The following ALG9 variants were observed in gnomAD, a reference collection of about 807,000 sequenced individuals.
ALG9 encodes ALG9 alpha-1,2-mannosyltransferase, also known as alpha-1,2-mannosyltransferase ALG9.
Under a neutral mutation model 81.8 loss-of-function variants are expected in ALG9, and 55 were observed. That is an observed-to-expected ratio of 0.67 (90% CI 0.54 to 0.84). The LOEUF (loss-of-function observed/expected upper bound fraction) is 0.84. ALG9 is among the 40% of genes least tolerant of loss of function. ALG9 has a pLI of 0.00. For synonymous variants in ALG9, 278 were observed against 274.3 expected, an observed-to-expected ratio of 1.01 and a Z score of -0.13; for missense variants, 629 against 745.0, an observed-to-expected ratio of 0.84 and a Z score of 1.81.
chr11:111,821,658 TAG>T (rs1242695106), intron 13 of ALG9, among the ~76,000 whole-genome samples: 3 of 151,806 alleles, frequency 2.0e-5, no homozygotes, highest in Non-Finnish European at 2.9e-5. Flanking sequence ...TTTTTTGAGA[TAG>T]AGTCTCGCTC....
At chr11:111,836,018 G>A (rs1955184469) in intron 13 of ALG9, 147 bp downstream of exon 13, 1 of 1,008,194 alleles carries the variant, frequency 9.9e-7, no homozygotes. Flanking sequence ...CAAAGTGCTG[G>A]GATTACAGGT....
At position 111,870,256 on chromosome 11, in the gene ALG9, A is replaced by G. The variant is rs782243361; in HGVS notation, c.246T>C (p.Asp82=). The G allele has an allele frequency of 4.5e-5, 72 of 1,611,064 alleles. No homozygotes were observed. In the East Asian group the frequency reaches 1.6e-3, roughly 35 times the overall value. ...CTGGCTCCCAGTAGTTGAATGTTTC[A>G]TCACAGTCAGAGATGTTGCTCAGGA... ...AALLSNISDC[D]ETFNYWEPTH... Residue 82 remains aspartate (D), a synonymous_variant, in exon 2 of 15, where the codon GAT becomes GAC. Transcript: ENST00000616540.
downstream of ALG9, among the ~76,000 whole-genome samples, chr11:111,780,618 A>G (rs1308935106): frequency 6.6e-6 from 1 of 151,954 alleles, no homozygotes; most frequent in African/African-American, 2.4e-5. Flanking sequence ...GCTGGTCTCG[A>G]ACTCTTGACC....
rs782560403 is a variant in ALG9 at position 111,860,590 on chromosome 11, T to C, written c.522A>G (p.Leu174=). 9 of 1,614,098 alleles carry C rather than the reference T, an allele frequency of 5.6e-6. No individual in the cohort carries two copies. Among genetic ancestry groups the C allele is most frequent in the Non-Finnish European group, 7.6e-6 (9 of 1,179,994 alleles). ...KFGLHVSRMM[L]AFLVLSTGMF... ...TGCCAGTGCTGAGAACCAAGAAGGC[T>C]AGCATCATTCGACTCACGTGCAACC... Residue 174 remains leucine (L), a synonymous_variant, in exon 5 of 15, where the codon CTA becomes CTG. Coordinates refer to ENST00000616540, the MANE Select transcript of ALG9 (RefSeq NM_024740.2).
Position 111,840,754 on chromosome 11 carries a change from A to G in ALG9, c.1074T>C (p.Phe358=). ...TGTGAGGCTGGATGAAGAAAATTAT[A>G]AACCAAATATACATTGGAGCCAAGG... is the stretch of plus-strand genomic sequence containing the variant. ...WLTLAPMYIW[F]IIFFIQPHKE... is the part of the protein sequence containing the mutation. Residue 358 remains phenylalanine, a synonymous_variant, in exon 10 of 15, where the codon TTT becomes TTC. Transcript: ENST00000616540. 9.9e-6 allele frequency: 16 copies of G among 1,614,170 alleles called. No homozygotes were observed. The highest frequency in any genetic ancestry group is 1.3e-5 in the Non-Finnish European group (15 of 1,180,008).
Position 111,871,502 on chromosome 11 carries a change from G to T in ALG9, c.-20C>A. On this transcript the variant is annotated 5_prime_UTR_variant, in exon 1 of 15. Coordinates refer to ENST00000616540, the MANE Select transcript of ALG9 (RefSeq NM_024740.2). ...AGCCATGGCAAGCCTGGGGAAAAAA[G>T]AATTCGGCACCCTATGAAGTCGGTG... The T allele has an allele frequency of 6.5e-7, 1 of 1,536,214 alleles. No homozygotes were observed. Among genetic ancestry groups the T allele is most frequent in the Non-Finnish European group, 8.7e-7 (1 of 1,146,562 alleles).
chr11:111,816,807 C>T (rs967291857), intron 13 of ALG9, among the ~76,000 whole-genome samples: 2 of 152,166 alleles, frequency 1.3e-5, no homozygotes, highest in African/African-American at 4.8e-5. Flanking sequence ...TGATTCCTCC[C>T]GCCTTGGCCT....
downstream of ALG9, among the ~76,000 whole-genome samples, chr11:111,777,535 A>G (rs1413105836): frequency 3.9e-5 from 6 of 152,222 alleles, no homozygotes; most frequent in Non-Finnish European, 2.9e-5. Context: ...GCTGTCAGAG[A>G]CAGTGATACT....
chr11:111,851,477 CAAAAAA>C (rs11343980), intron 8 of ALG9, among the ~76,000 whole-genome samples: 2 of 105,076 alleles, frequency 1.9e-5, no homozygotes, highest in Admixed American at 1.9e-4. Flanking sequence ...AACTCCATCT[CAAAAAA>C]AAAAAAAAAA....
chr11:111,786,208 C>A lies in ALG9; in HGVS notation c.*189G>T. On this transcript the variant is annotated 3_prime_UTR_variant, in exon 15 of 15. Transcript: ENST00000616540. ...AAAGTTTACATGCAGAACAGAGACA[C>A]ACACAGGGAGCAAATGTGACTTTGA... The A allele has an allele frequency of 1.1e-6, 1 of 877,824 alleles. No individual in the cohort carries two copies. Among genetic ancestry groups the A allele is most frequent in the South Asian group, 1.4e-5 (1 of 72,650 alleles). The allele number at this position is 877,824 out of a possible 1,614,324, so 54.4% of individuals were successfully genotyped here.
At chr11:111,802,043 T>C (rs947214728) in intron 14 of ALG9, among the ~76,000 whole-genome samples, 2 of 152,228 alleles carry the variant, frequency 1.3e-5, no homozygotes, top group African/African-American at 4.8e-5. Flanking sequence ...ACTGCAGTTC[T>C]GGCAATGTCT....
intron 4 of ALG9, among the ~76,000 whole-genome samples, chr11:111,862,818 GA>G (rs1960803505): frequency 6.6e-6 from 1 of 151,572 alleles, no homozygotes. Flanking sequence ...TTACTTGTTT[GA>G]AAATGTTAAA....
At chr11:111,861,557 G>T (rs1555147992) in intron 4 of ALG9, among the ~76,000 whole-genome samples, 3 of 151,924 alleles carry the variant, frequency 2.0e-5, no homozygotes, top group East Asian at 1.9e-4. Context: ...CTGTATCCTT[G>T]AACTCCAGTG....
rs929286932 is a variant in ALG9 at position 111,807,661 on chromosome 11, G to A, written c.1733+1982C>T. Reference sequence around the variant, plus strand: ...ATTCACTATATGTCCAAATCACCTAGAACATTGCAGGCTCTCAAAAAAATT... The same window carrying A: ...ATTCACTATATGTCCAAATCACCTAAAACATTGCAGGCTCTCAAAAAAATT... On this transcript the variant is annotated intron_variant, in intron 14 of 14. Transcript: ENST00000616540. Among the ~76,000 whole-genome samples, 4 of 152,286 alleles carry A rather than the reference G, an allele frequency of 2.6e-5. No individual in the cohort carries two copies. The South Asian group carries it at 6.2e-4, about 24-fold the overall frequency.
In ALG9 at chr11:111,839,928, C is replaced by T. The variant is rs551447484; in HGVS notation, c.1173+727G>A. Among the ~76,000 whole-genome samples the T allele has an allele frequency of 3.4e-4, 51 of 152,088 alleles. 1 individual carries two copies. In the South Asian group the frequency reaches 0.011, roughly 32 times the overall value. ...AGAACAGAAAGTAGATTAATGGTTACTTAGGGCTGGTGAGAGATGAGAAAG... is the reference window on the plus strand; with the variant it reads ...AGAACAGAAAGTAGATTAATGGTTATTTAGGGCTGGTGAGAGATGAGAAAG... On this transcript the variant is annotated intron_variant, in intron 10 of 14. Coordinates refer to ENST00000616540, the MANE Select transcript of ALG9 (RefSeq NM_024740.2).
chr11:111,790,111 C>T (rs1555069125), intron 14 of ALG9, among the ~76,000 whole-genome samples: 1 of 152,110 alleles, frequency 6.6e-6, no homozygotes, highest in Non-Finnish European at 1.5e-5. Context: ...CGCGGTGGCT[C>T]ACTTGAGGTC....
chr11:111,818,508 T>C (rs1951853463), intron 13 of ALG9, among the ~76,000 whole-genome samples: 1 of 152,218 alleles, frequency 6.6e-6, no homozygotes, highest in Non-Finnish European at 1.5e-5. Context: ...TTTCTGTTCC[T>C]ACTCGTGGAA....
intron 13 of ALG9, among the ~76,000 whole-genome samples, chr11:111,832,063 G>A (rs1312135454): frequency 1.3e-5 from 2 of 152,152 alleles, no homozygotes; most frequent in Admixed American, 6.5e-5. Context: ...AGTTCACTGT[G>A]TTATAAGCCA....
chr11:111,806,177 A>T (rs559321641), intron 14 of ALG9, among the ~76,000 whole-genome samples: 68 of 152,168 alleles, frequency 4.5e-4, no homozygotes, highest in African/African-American at 1.5e-3. Flanking sequence ...AAATTTTTTT[A>T]AAAAAGATAA....
Sources: allele counts gnomAD v4.1 joint callset (sites outside exome capture counted in the v4.1 genomes callset), GRCh38; gene constraint gnomAD v4.1.1; transcripts MANE v1.5; gene names NCBI Gene and HGNC (gene_info 2026-07-23, HGNC 2026-07-21).